The following IARS2 variants were observed in gnomAD, a reference collection of about 807,000 sequenced individuals.
The protein encoded by IARS2 is isoleucine--tRNA ligase, mitochondrial.
IARS2 carries 56 observed loss-of-function variants against 126.3 expected under a neutral mutation model. The observed-to-expected ratio is 0.44, with a 90% CI of 0.36 to 0.55. The LOEUF is 0.55. IARS2 is among the 20% of genes least tolerant of loss of function. The probability of loss-of-function intolerance (pLI) is 0.00; values close to 1 mark genes in which losing one functional copy is unlikely to be tolerated. For missense variants in IARS2, 1,127 were observed against 1,245.9 expected, an observed-to-expected ratio of 0.90 and a Z score of 1.44; for synonymous variants, 407 against 441.1, an observed-to-expected ratio of 0.92 and a Z score of 0.97.
At chr1:220,137,309 AATG>A (rs1657396837) in intron 16 of IARS2, among the ~76,000 whole-genome samples, 1 of 152,202 alleles carries the variant, frequency 6.6e-6, no homozygotes, top group Admixed American at 6.5e-5. Context: ...GTTAAATGGA[AATG>A]ATGAAAAATG....
At chr1:220,100,349 A>T in intron 2 of IARS2, 141 bp from the exon 3 acceptor site, 2 of 663,422 alleles carry the variant, frequency 3.0e-6, no homozygotes, top group Non-Finnish European at 2.5e-6. Context: ...TAAAAATGGT[A>T]TTAAGTTTAA....
At chr1:220,114,098 G>A (rs1656866577) in intron 11 of IARS2, among the ~76,000 whole-genome samples, 2 of 152,042 alleles carry the variant, frequency 1.3e-5, no homozygotes, top group African/African-American at 2.4e-5. Flanking sequence ...CACTGCTCCC[G>A]ATATTATTTA....
intron 17 of IARS2, 75 bp downstream of exon 17, chr1:220,138,118 TG>T: frequency 6.7e-7 from 1 of 1,497,252 alleles, no homozygotes; most frequent in Non-Finnish European, 9.2e-7. Flanking sequence ...AGACACATTT[TG>T]TTTGGAACTG....
At chr1:220,108,495 C>T (rs569159611) in intron 10 of IARS2, among the ~76,000 whole-genome samples, 1 of 151,924 alleles carries the variant, frequency 6.6e-6, no homozygotes, top group Non-Finnish European at 1.5e-5. Context: ...CATGGGTTCT[C>T]CTGCCTCAGT....
chr1:220,130,259 CTG>C lies in IARS2; in HGVS notation c.1837+3417_1837+3418del, dbSNP rs535468526. On this transcript the variant is annotated intron_variant, in intron 14 of 22. Coordinates refer to ENST00000366922, the MANE Select transcript of IARS2 (RefSeq NM_018060.4). ...TTCTTTATTTGAATTCCTTTATAAT[CTG>C]AATATCAGTTTCTTGTCAGACAAAT... 2.1e-3 allele frequency among the ~76,000 whole-genome samples: 324 copies of C among 152,174 alleles called. 2 individuals carry two copies. Among genetic ancestry groups the C allele is most frequent in the Middle Eastern group, 0.017 (5 of 294 alleles).
In IARS2 at chr1:220,100,512, G is replaced by A; in HGVS notation, c.413G>A (p.Arg138Gln). Residue 138 changes from arginine (R) to glutamine (Q), a missense_variant, in exon 3 of 23, where the codon CGA becomes CAA. Transcript: ENST00000366922. ...CAGATTTTGAAAGACATAGCCAATC[G>A]ATTCCATATGATGAATGGCTCCAAA... ...LNKILKDIAN[R>Q]FHMMNGSKIH... 6.2e-7 allele frequency: 1 copy of A among 1,609,774 alleles called. No individual in the cohort carries two copies. The highest frequency in any genetic ancestry group is 8.5e-7 in the Non-Finnish European group (1 of 1,178,038).
At chr1:220,129,318 A>G (rs1306286365) in intron 14 of IARS2, among the ~76,000 whole-genome samples, 2 of 152,224 alleles carry the variant, frequency 1.3e-5, no homozygotes, top group South Asian at 2.1e-4. Flanking sequence ...AAATGAGGGT[A>G]TTTAAGATAT....
At chr1:220,099,516 T>TA (rs1407326379) in intron 2 of IARS2, among the ~76,000 whole-genome samples, 1 of 152,184 alleles carries the variant, frequency 6.6e-6, no homozygotes. Context: ...GGCTACTATA[T>TA]AAGATACCAT....
intron 12 of IARS2, among the ~76,000 whole-genome samples, chr1:220,123,496 C>T (rs144667794): frequency 0.026 from 3,944 of 152,022 alleles, 81 homozygotes; most frequent in Admixed American, 0.036. Context: ...TTTTTTGAGA[C>T]GGAGTCTCCC....
intron 10 of IARS2, among the ~76,000 whole-genome samples, chr1:220,109,421 C>T (rs1050210916): frequency 7.3e-5 from 11 of 151,496 alleles, no homozygotes; most frequent in African/African-American, 2.7e-4. Context: ...AAAAATCTGC[C>T]AGCTCACAGA....
chr1:220,146,206 C>T (rs750087052), intron 22 of IARS2, among the ~76,000 whole-genome samples: 2 of 152,016 alleles, frequency 1.3e-5, no homozygotes, highest in Non-Finnish European at 2.9e-5. Context: ...TCATTGGTAG[C>T]GGTAGAGTTG....
intron 1 of IARS2, among the ~76,000 whole-genome samples, chr1:220,095,237 C>T (rs1045115536): frequency 2.0e-5 from 3 of 152,128 alleles, no homozygotes; most frequent in Non-Finnish European, 2.9e-5. Flanking sequence ...TGGAGTTTCA[C>T]CATGTTGGCC....
intron 20 of IARS2, 56 bp from the exon 21 acceptor site, chr1:220,142,888 T>C: frequency 7.9e-7 from 1 of 1,261,556 alleles, no homozygotes. Flanking sequence ...TGGTTAGAGC[T>C]TCATATACAG....
At chr1:220,129,868 C>G (rs1038065347) in intron 14 of IARS2, among the ~76,000 whole-genome samples, 3 of 152,028 alleles carry the variant, frequency 2.0e-5, no homozygotes, top group Non-Finnish European at 4.4e-5. Flanking sequence ...TGCATAAATA[C>G]CTAGTAGTGG....
rs780437729 is a variant in IARS2 at position 220,100,668 on chromosome 1, T to A, written c.550+19T>A. The A allele has an allele frequency of 3.8e-6, 6 of 1,571,020 alleles. No homozygotes were observed. In the Admixed American group the frequency reaches 8.8e-5, roughly 23 times the overall value. On this transcript the variant is annotated intron_variant, in intron 3 of 22. Transcript: ENST00000366922. ...AAGAAAGGTAAATAATCTGTATTTC[T>A]GTTTTAAAATGATATTTGTAAACAC...
intron 15 of IARS2, chr1:220,134,769 T>G (rs1465493520): frequency 2.5e-5 from 3 of 118,588 alleles, no homozygotes; most frequent in Middle Eastern, 3.7e-3. Flanking sequence ...GTTGTTGTTG[T>G]TTTTTTTTTT....
intron 10 of IARS2, among the ~76,000 whole-genome samples, chr1:220,110,159 A>G (rs1042890141): frequency 2.0e-5 from 3 of 151,842 alleles, no homozygotes; most frequent in Non-Finnish European, 4.4e-5. Flanking sequence ...TTAGGTTCAA[A>G]TGATTCTCCC....
At chr1:220,137,820 G>A in intron 16 of IARS2, 98 bp from the exon 17 acceptor site, 1 of 1,341,604 alleles carries the variant, frequency 7.5e-7, no homozygotes, top group Non-Finnish European at 1.1e-6. Flanking sequence ...CTTACATTGT[G>A]CTCAAAAATA....
In IARS2 at chr1:220,100,495, G is replaced by A; in HGVS notation, c.396G>A (p.Leu132=). Residue 132 remains leucine (L), a synonymous_variant, in exon 3 of 23, where the codon TTG becomes TTA. Coordinates refer to ENST00000366922, the MANE Select transcript of IARS2 (RefSeq NM_018060.4). ...TTATCATTTTATCTTTGCAGATTTT[G>A]AAAGACATAGCCAATCGATTCCATA... The part of the protein sequence containing the change: ...PHVGHALNKI[L]KDIANRFHMM... 1.3e-6 allele frequency: 2 copies of A among 1,596,572 alleles called. No individual in the cohort carries two copies. The highest frequency in any genetic ancestry group is 1.7e-6 in the Non-Finnish European group (2 of 1,172,532).
Sources: allele counts gnomAD v4.1 joint callset (sites outside exome capture counted in the v4.1 genomes callset), GRCh38; gene constraint gnomAD v4.1.1; transcripts MANE v1.5; gene names NCBI Gene and HGNC (gene_info 2026-07-23, HGNC 2026-07-21).